Variants in OOSP4B observed in about 807,000 individuals in gnomAD.
OOSP4B encodes oocyte-secreted protein 4B.
rs1854750246 is a variant in OOSP4B at position 60,026,815 on chromosome 11, G to C, written c.302+1810G>C. 3.3e-5 allele frequency among the ~76,000 whole-genome samples: 5 copies of C among 152,162 alleles called. No homozygotes were observed. In the South Asian group the frequency reaches 1.0e-3, roughly 32 times the overall value. ...CTATTTTTTCAAGTGCTCAGTAGCA[G>C]CATGTGGTTAGTGGTAACATTTGCA... On this transcript the variant is annotated intron_variant, in intron 3 of 4. Coordinates refer to ENST00000642343, the Ensembl canonical transcript of OOSP4B.
chr11:60,023,314 G>A (rs551454073), intron 1 of OOSP4B, among the ~76,000 whole-genome samples: 1 of 152,296 alleles, frequency 6.6e-6, no homozygotes. Context: ...ATCAGTTCCA[G>A]AAAATTAGTA....
intron 1 of OOSP4B, among the ~76,000 whole-genome samples, chr11:60,021,023 C>T (rs1416935117): frequency 6.6e-6 from 1 of 152,230 alleles, no homozygotes; most frequent in Non-Finnish European, 1.5e-5. Flanking sequence ...TCCATCCTTG[C>T]ACTGGAAAGT....
In OOSP4B at chr11:60,020,796, G is replaced by C. The variant is rs371888803; in HGVS notation, c.23-3084G>C. On this transcript the variant is annotated intron_variant, in intron 1 of 4. Transcript: ENST00000642343. ...CACCTCTCACATGCTTGTAGTTCCA[G>C]CTACTCCAGAGGCTGAGGCAGAAGA... Among the ~76,000 whole-genome samples the C allele has an allele frequency of 1.7e-3, 256 of 152,358 alleles. 2 individuals carry two copies. Among genetic ancestry groups the C allele is most frequent in the African/African-American group, 5.7e-3 (237 of 41,596 alleles).
intron 1 of OOSP4B, among the ~76,000 whole-genome samples, chr11:60,020,189 G>A (rs1251792885): frequency 2.0e-5 from 3 of 152,220 alleles, no homozygotes; most frequent in African/African-American, 2.4e-5. Context: ...AGCCCAGTTG[G>A]CTTCACCCAG....
chr11:60,018,770 C>T (rs1854651964), intron 1 of OOSP4B, among the ~76,000 whole-genome samples: 1 of 152,172 alleles, frequency 6.6e-6, no homozygotes, highest in South Asian at 2.1e-4. Flanking sequence ...ATTTCAATGC[C>T]TTAATGTCTT....
intron 2 of OOSP4B, among the ~76,000 whole-genome samples, chr11:60,024,553 C>T (rs922870738): frequency 1.3e-5 from 2 of 152,130 alleles, no homozygotes; most frequent in African/African-American, 2.4e-5. Flanking sequence ...TCATAAGGTA[C>T]GGTCTGTGCC....
intron 1 of OOSP4B, among the ~76,000 whole-genome samples, chr11:60,020,592 G>A (rs974054279): frequency 1.3e-5 from 2 of 152,132 alleles, no homozygotes; most frequent in Admixed American, 6.5e-5. Flanking sequence ...TCCCGCCGGC[G>A]CCTCTCCCTC....
intron 1 of OOSP4B, among the ~76,000 whole-genome samples, chr11:60,020,309 GC>G (rs1189844971): frequency 1.3e-5 from 2 of 152,166 alleles, no homozygotes; most frequent in African/African-American, 4.8e-5. Flanking sequence ...GGAGCAGGGG[GC>G]CCCCGCTTGT....
intron 3 of OOSP4B, among the ~76,000 whole-genome samples, chr11:60,026,167 GTTTAA>G (rs1258944513): frequency 6.6e-6 from 1 of 152,078 alleles, no homozygotes; most frequent in Non-Finnish European, 1.5e-5. Context: ...TAATTTTGGA[GTTTAA>G]TTTATAGACT....
chr11:60,026,831 AACATTTGC>A (rs1301284624), intron 3 of OOSP4B, among the ~76,000 whole-genome samples: 1 of 152,204 alleles, frequency 6.6e-6, no homozygotes, highest in Non-Finnish European at 1.5e-5. Context: ...GGTTAGTGGT[AACATTTGC>A]ACAGTGTAGA....
In OOSP4B at chr11:60,026,711, A is replaced by G. The variant is rs367544246; in HGVS notation, c.302+1706A>G. Among the ~76,000 whole-genome samples, 4 of 152,362 alleles carry G rather than the reference A, an allele frequency of 2.6e-5. No individual in the cohort carries two copies. In the East Asian group the frequency reaches 7.7e-4, roughly 29 times the overall value. On this transcript the variant is annotated intron_variant, in intron 3 of 4. Transcript: ENST00000642343. ...AGTCATCTCTAAACCTTTGCTGTCT[A>G]ACATAGTAACCAGTAGCCACTGGTA...
intron 1 of OOSP4B, chr11:60,021,598 A>G (rs1455669282): frequency 1.3e-5 from 2 of 152,242 alleles, no homozygotes; most frequent in African/African-American, 4.8e-5. Flanking sequence ...AAGATTCTTC[A>G]AGTAATTTAA....
At chr11:60,022,545 T>C (rs1854702850) in intron 1 of OOSP4B, among the ~76,000 whole-genome samples, 1 of 152,200 alleles carries the variant, frequency 6.6e-6, no homozygotes, top group African/African-American at 2.4e-5. Context: ...TAACCTCAGG[T>C]TTCTAGGCCA....
rs1306049902 is a variant in OOSP4B at position 60,024,891 on chromosome 11, A to C, written c.205-17A>C. The C allele has an allele frequency of 2.5e-6, 1 of 398,222 alleles. No individual in the cohort carries two copies. Among genetic ancestry groups the C allele is most frequent in the Non-Finnish European group, 4.4e-6 (1 of 225,876 alleles). 24.7% of individuals were successfully genotyped at this position (398,222 alleles called of 1,614,324 possible). A position where few individuals can be genotyped will look rare whatever the true frequency, so the allele number is the denominator to read the frequency against. ...GAATTTAATGCCTTCTAGTATTAAA[A>C]CTCTCAATTGTTTCAGATGTTCCAA... On this transcript the variant is annotated splice_polypyrimidine_tract_variant and intron_variant, in intron 2 of 4. Transcript: ENST00000642343.
In OOSP4B at chr11:60,023,784, T is replaced by G. The variant is rs540596668; in HGVS notation, c.23-96T>G. 16 of 396,732 alleles carry G rather than the reference T, an allele frequency of 4.0e-5. No individual in the cohort carries two copies. In the South Asian group the frequency reaches 1.8e-3, roughly 45 times the overall value. The allele number at this position is 396,732 out of a possible 1,614,324, so 24.6% of individuals were successfully genotyped here. A position where few individuals can be genotyped will look rare whatever the true frequency, so the allele number is the denominator to read the frequency against. On this transcript the variant is annotated intron_variant, in intron 1 of 4. Transcript: ENST00000642343. Reference sequence around the variant, plus strand: ...CTAATAGGAGACTGAACGCTACCCATGTAGCTTGTGTTATATTTGTCTGTC... The same window carrying G: ...CTAATAGGAGACTGAACGCTACCCAGGTAGCTTGTGTTATATTTGTCTGTC...
At chr11:60,025,105 G>T (rs1854734427) in intron 3 of OOSP4B, 100 bp downstream of exon 3, 2 of 394,486 alleles carry the variant, frequency 5.1e-6, no homozygotes, top group South Asian at 1.4e-4. Context: ...GGAGGGATGT[G>T]TATGGCATAA....
At chr11:60,027,061 T>G (rs541002171) in intron 3 of OOSP4B, among the ~76,000 whole-genome samples, 1 of 152,274 alleles carries the variant, frequency 6.6e-6, no homozygotes, top group East Asian at 1.9e-4. Flanking sequence ...CATTGCATGA[T>G]TCTGAGGTTT....
At chr11:60,030,701 T>A (rs510838) in intron 4 of OOSP4B, 101 bp from the exon 5 acceptor site, 50,358 of 396,674 alleles carry the variant, frequency 0.13, 3,644 homozygotes, top group South Asian at 0.28. Context: ...TTTTTCCACA[T>A]TACTTCTAAT....
intron 1 of OOSP4B, among the ~76,000 whole-genome samples, chr11:60,023,182 C>A (rs918533767): frequency 5.3e-5 from 8 of 152,010 alleles, no homozygotes; most frequent in African/African-American, 1.7e-4. Context: ...AACCAACTAA[C>A]CTCTCTGTGG....
Sources: allele counts gnomAD v4.1 joint callset (sites outside exome capture counted in the v4.1 genomes callset), GRCh38; gene constraint gnomAD v4.1.1; transcripts MANE v1.5; gene names NCBI Gene and HGNC (gene_info 2026-07-23, HGNC 2026-07-21).